The following GSE1 variants were observed in gnomAD, a reference collection of about 807,000 sequenced individuals.
GSE1 encodes Gse1 coiled-coil protein, also known as genetic suppressor element 1.
A neutral mutation model predicts 112.6 loss-of-function variants in GSE1; 32 were observed. That is an observed-to-expected ratio of 0.28 (90% CI 0.21 to 0.38). GSE1 has a LOEUF of 0.38. Ranked by LOEUF, GSE1 falls within the 10% of genes least tolerant of loss-of-function variation. The pLI is 1.00. For missense variants in GSE1, 2,348 were observed against 1,699.2 expected (o/e 1.38, Z -6.71); for synonymous variants, 1,115 against 735.6 (o/e 1.52, Z -8.35).
chr16:85,236,324 A>ATATT (rs1904658049), intron 1 of GSE1, among the ~76,000 whole-genome samples: 1 of 152,170 alleles, frequency 6.6e-6, no homozygotes, highest in South Asian at 2.1e-4. Flanking sequence ...TAAAAGTCAA[A>ATATT]TAAGGATCTG....
intron 1 of GSE1, among the ~76,000 whole-genome samples, chr16:85,322,616 T>C (rs1472191159): frequency 2.9e-5 from 2 of 70,070 alleles, no homozygotes; most frequent in Non-Finnish European, 4.6e-5. Flanking sequence ...CCATTTTGCT[T>C]TTTTTTTTTT....
At chr16:85,508,584 T>C (rs1277432467) in intron 2 of GSE1, among the ~76,000 whole-genome samples, 2 of 152,164 alleles carry the variant, frequency 1.3e-5, no homozygotes, top group African/African-American at 4.8e-5. Flanking sequence ...AGCTGTGGCC[T>C]GGATGGGTGT....
At chr16:85,317,794 T>C (rs574391176) in intron 1 of GSE1, among the ~76,000 whole-genome samples, 1 of 152,268 alleles carries the variant, frequency 6.6e-6, no homozygotes, top group African/African-American at 2.4e-5. Context: ...CCCTCCTAAG[T>C]GTGGGACCTG....
intron 1 of GSE1, among the ~76,000 whole-genome samples, chr16:85,630,668 G>C (rs780398575): frequency 6.6e-6 from 1 of 152,164 alleles, no homozygotes; most frequent in African/African-American, 2.4e-5. Context: ...TGTGGTGCGC[G>C]CACATGTGAC....
At chr16:85,302,710 G>A (rs986954831) in intron 1 of GSE1, among the ~76,000 whole-genome samples, 4 of 152,166 alleles carry the variant, frequency 2.6e-5, no homozygotes, top group African/African-American at 9.7e-5. Context: ...AAGCACCCCT[G>A]GTAATTCTGG....
chr16:85,292,711 C>T (rs1567668346), intron 1 of GSE1, among the ~76,000 whole-genome samples: 2 of 152,156 alleles, frequency 1.3e-5, no homozygotes, highest in African/African-American at 4.8e-5. Context: ...CCACCTGCCT[C>T]GACCTCCCAA....
Position 85,668,227 on chromosome 16 carries a change from G to A in GSE1, c.3218G>A (p.Arg1073His), listed in dbSNP as rs199827400. 2.1e-5 allele frequency: 34 copies of A among 1,609,824 alleles called. No homozygotes were observed. In the Admixed American group the frequency reaches 3.3e-4, roughly 16 times the overall value. Reference protein sequence around the residue: ...YNIPELQSSSRAPPPQHNGQQ... With the variant: ...YNIPELQSSSHAPPPQHNGQQ... The stretch of plus-strand genomic sequence containing the variant: ...ATTCCTGAGCTGCAGTCCTCCAGCC[G>A]CGCCCCTCCACCCCAGCACAATGGG... Residue 1073 changes from arginine to histidine, a missense_variant, in exon 14 of 16, where the codon CGC (arginine) becomes CAC (histidine). Transcript: ENST00000253458.
chr16:85,171,451 C>A (rs1237946718), exon 1 of GSE1: 12 of 985,446 alleles, frequency 1.2e-5, no homozygotes, highest in Non-Finnish European at 1.4e-5. Context: ...CTCCACCGGC[C>A]TGGTGGCTAC....
chr16:85,640,317 G>A (rs1021020025), intron 2 of GSE1, among the ~76,000 whole-genome samples: 1 of 152,226 alleles, frequency 6.6e-6, no homozygotes, highest in African/African-American at 2.4e-5. Flanking sequence ...CTCCAAGCAG[G>A]TGTTGGCCGC....
At chr16:85,404,392 T>C (rs2048208506) in intron 2 of GSE1, among the ~76,000 whole-genome samples, 1 of 4,626 alleles carries the variant, frequency 2.2e-4, no homozygotes, top group Admixed American at 2.8e-3. Context: ...ACTGTTACAC[T>C]CAGGCCCCCT....
intron 2 of GSE1, among the ~76,000 whole-genome samples, chr16:85,498,679 C>T (rs182002541): frequency 6.6e-5 from 10 of 152,376 alleles, no homozygotes; most frequent in Non-Finnish European, 1.2e-4. Flanking sequence ...TGTATGCACA[C>T]GACAGCACAC....
chr16:85,194,661 G>T (rs183860887), intron 1 of GSE1, among the ~76,000 whole-genome samples: 3 of 152,292 alleles, frequency 2.0e-5, no homozygotes, highest in Admixed American at 6.5e-5. Context: ...TTAGATTAAA[G>T]ACAGTTAACC....
intron 2 of GSE1, among the ~76,000 whole-genome samples, chr16:85,496,899 TG>T: frequency 7.0e-6 from 1 of 143,096 alleles, no homozygotes; most frequent in African/African-American, 2.6e-5. Flanking sequence ...TCTGGGTCTT[TG>T]TTGTTTTTTT....
At chr16:85,447,317 T>C (rs2049543941) in intron 2 of GSE1, among the ~76,000 whole-genome samples, 1 of 152,226 alleles carries the variant, frequency 6.6e-6, no homozygotes, top group Non-Finnish European at 1.5e-5. Flanking sequence ...GAGAAGGCAC[T>C]GGAAGAAGGC....
chr16:85,674,917 C>G lies in GSE1; in HGVS notation c.*2378C>G, dbSNP rs2053598861. 6.6e-6 allele frequency: 1 copy of G among 152,602 alleles called. No individual in the cohort carries two copies. The highest frequency in any genetic ancestry group is 1.5e-5 in the Non-Finnish European group (1 of 68,030). The allele number at this position is 152,602 out of a possible 1,614,324, so 9.5% of individuals were successfully genotyped here. ...TGGCGATCTGAGTACTCTACTCTTG[C>G]TCAAGAAGTAATACGACAATCAGAA... is the stretch of plus-strand genomic sequence containing the variant. On this transcript the variant is annotated 3_prime_UTR_variant, in exon 16 of 16. Coordinates refer to ENST00000253458, the MANE Select transcript of GSE1 (RefSeq NM_014615.5).
chr16:85,504,488 C>T (rs557202477), intron 2 of GSE1, among the ~76,000 whole-genome samples: 1 of 152,174 alleles, frequency 6.6e-6, no homozygotes. Flanking sequence ...CACCTGATGG[C>T]TATTTTAAGG....
chr16:85,258,448 C>T (rs561271955), intron 1 of GSE1, among the ~76,000 whole-genome samples: 1 of 152,326 alleles, frequency 6.6e-6, no homozygotes, highest in Non-Finnish European at 1.5e-5. Flanking sequence ...ACCGGGTCCC[C>T]ACCACGAGCT....
At chr16:85,438,137 T>C (rs1444237415) in intron 2 of GSE1, among the ~76,000 whole-genome samples, 2 of 152,186 alleles carry the variant, frequency 1.3e-5, no homozygotes, top group African/African-American at 4.8e-5. Flanking sequence ...TACTGTGTTT[T>C]CGTCTCTGCC....
chr16:85,504,029 G>T (rs1597984090), intron 2 of GSE1, among the ~76,000 whole-genome samples: 2 of 152,218 alleles, frequency 1.3e-5, no homozygotes, highest in South Asian at 2.1e-4. Context: ...GCAGAAAAGC[G>T]CCATCCTCCG....
Sources: gnomAD v4.1 joint callset for allele counts (sites outside exome capture counted in the v4.1 genomes callset) on GRCh38, gnomAD v4.1.1 for gene constraint, MANE v1.5 for transcripts, NCBI Gene and HGNC (gene_info 2026-07-23, HGNC 2026-07-21) for gene names.